Variants in NKAIN3 observed in about 807,000 individuals in gnomAD.
NKAIN3 encodes the protein sodium/potassium transporting ATPase interacting 3.
In NKAIN3, 25 loss-of-function variants were observed where a neutral mutation model predicts 30.2. The ratio of observed to expected loss-of-function variants is 0.83; its 90% confidence interval spans 0.60 to 1.16. NKAIN3 has a LOEUF of 1.16. NKAIN3 is among the 50% of genes most tolerant of loss of function. NKAIN3 has a pLI of 0.00. For missense variants in NKAIN3, 225 were observed against 254.1 expected, an observed-to-expected ratio of 0.89 and a Z score of 0.78; for synonymous variants, 91 against 89.6, an observed-to-expected ratio of 1.02 and a Z score of -0.09.
At chr8:62,801,056 G>T (rs903939120) in intron 4 of NKAIN3, among the ~76,000 whole-genome samples, 2 of 152,202 alleles carry the variant, frequency 1.3e-5, no homozygotes, top group South Asian at 2.1e-4. Context: ...CAGCAGCAAG[G>T]CTGGGGGAGG....
chr8:62,395,406 G>A (rs912587921), intron 1 of NKAIN3, among the ~76,000 whole-genome samples: 1 of 152,140 alleles, frequency 6.6e-6, no homozygotes, highest in Non-Finnish European at 1.5e-5. Context: ...TCACTTCCCA[G>A]GCGGTGCGGG....
At chr8:62,870,573 C>A (rs1820596885) in intron 4 of NKAIN3, among the ~76,000 whole-genome samples, 2 of 132,368 alleles carry the variant, frequency 1.5e-5, no homozygotes, top group South Asian at 2.3e-4. Context: ...TATATATACA[C>A]CATATATAGT....
intron 1 of NKAIN3, among the ~76,000 whole-genome samples, chr8:62,325,679 C>T (rs1350495923): frequency 6.6e-6 from 1 of 152,044 alleles, no homozygotes; most frequent in Non-Finnish European, 1.5e-5. Context: ...GTCATTCTTA[C>T]AGGAATAAGG....
At position 62,874,863 on chromosome 8, in the gene NKAIN3, T is replaced by A. The variant is rs1039709477; in HGVS notation, c.472-43590T>A. ...TGACAGACCTACAGCCAATATCCTA[T>A]TGAATGGGCAAAAGCTGGAAGCATT... On this transcript the variant is annotated intron_variant, in intron 4 of 6. Transcript: ENST00000623646. 1.1e-4 allele frequency among the ~76,000 whole-genome samples: 16 copies of A among 152,094 alleles called. 1 individual carries two copies. The highest frequency in any genetic ancestry group is 3.1e-4 in the African/African-American group (13 of 41,414).
chr8:62,980,015 A>C lies in NKAIN3; in HGVS notation c.*14608A>C, dbSNP rs1224380357. The C allele has an allele frequency of 6.6e-6, 1 of 152,180 alleles. No individual in the cohort carries two copies. The highest frequency in any genetic ancestry group is 1.5e-5 in the Non-Finnish European group (1 of 68,054). 9.4% of individuals were successfully genotyped at this position (152,180 alleles called of 1,614,324 possible). ...TATTCATCTTTGCTTTTGTCTTCTC[A>C]GGGCAAATAGGAAATCCTAGACCTC... On this transcript the variant is annotated 3_prime_UTR_variant, in exon 7 of 7. Coordinates refer to ENST00000623646, the MANE Select transcript of NKAIN3 (RefSeq NM_001304533.3).
intron 1 of NKAIN3, among the ~76,000 whole-genome samples, chr8:62,392,069 G>C (rs1817600261): frequency 6.6e-6 from 1 of 151,920 alleles, no homozygotes; most frequent in African/African-American, 2.4e-5. Context: ...GCCCTAAAAA[G>C]TATTTAGTAG....
intron 1 of NKAIN3, among the ~76,000 whole-genome samples, chr8:62,319,740 C>T (rs1323970616): frequency 6.6e-6 from 1 of 152,106 alleles, no homozygotes; most frequent in Non-Finnish European, 1.5e-5. Flanking sequence ...CTGAGGAGTG[C>T]TTTACTTCCA....
At chr8:62,910,981 A>C (rs556022351) in intron 4 of NKAIN3, among the ~76,000 whole-genome samples, 5 of 152,334 alleles carry the variant, frequency 3.3e-5, no homozygotes, top group Non-Finnish European at 7.3e-5. Flanking sequence ...CCAGCATGAC[A>C]AATTGAATGA....
At chr8:62,819,078 T>C (rs1300981638) in intron 4 of NKAIN3, among the ~76,000 whole-genome samples, 2 of 150,718 alleles carry the variant, frequency 1.3e-5, no homozygotes, top group Non-Finnish European at 3.0e-5. Context: ...GTAATAGTAA[T>C]GGCATGCCCA....
At chr8:62,929,349 G>A (rs1822546719) in intron 5 of NKAIN3, among the ~76,000 whole-genome samples, 3 of 152,142 alleles carry the variant, frequency 2.0e-5, no homozygotes, top group Non-Finnish European at 4.4e-5. Context: ...TATGCTGTGA[G>A]AAAAAAATCA....
chr8:62,489,883 T>C (rs1807016455), intron 1 of NKAIN3, among the ~76,000 whole-genome samples: 1 of 152,192 alleles, frequency 6.6e-6, no homozygotes, highest in Admixed American at 6.5e-5. Context: ...ACACCAAAGG[T>C]CTGGCTTCCA....
intron 1 of NKAIN3, among the ~76,000 whole-genome samples, chr8:62,498,113 G>A (rs768130517): frequency 6.6e-6 from 1 of 152,062 alleles, no homozygotes; most frequent in Non-Finnish European, 1.5e-5. Flanking sequence ...CCTTTGGGTT[G>A]GATGAACTGA....
chr8:62,813,226 TC>T (rs1818550025), intron 4 of NKAIN3, among the ~76,000 whole-genome samples: 1 of 151,986 alleles, frequency 6.6e-6, no homozygotes, highest in African/African-American at 2.4e-5. Context: ...TATACCAGTA[TC>T]ATGTGACTTT....
intron 1 of NKAIN3, among the ~76,000 whole-genome samples, chr8:62,552,771 T>G (rs1809255422): frequency 6.6e-6 from 1 of 152,176 alleles, no homozygotes; most frequent in Admixed American, 6.5e-5. Flanking sequence ...AAAACGCCAC[T>G]TCTCCCCTGT....
rs376656796 is a variant in NKAIN3 at position 62,274,882 on chromosome 8, G to A, written c.54+25755G>A. On this transcript the variant is annotated intron_variant, in intron 1 of 6. Coordinates refer to ENST00000623646, the MANE Select transcript of NKAIN3 (RefSeq NM_001304533.3). ...GTCCTTGCGATAGTTTGCTGAGAATGATGGTTTCCAGTTTCATCCATGTCC... is the reference window on the plus strand; with the variant it reads ...GTCCTTGCGATAGTTTGCTGAGAATAATGGTTTCCAGTTTCATCCATGTCC... 9.1e-4 allele frequency among the ~76,000 whole-genome samples: 139 copies of A among 152,060 alleles called. 3 individuals are homozygous for A. In the East Asian group the frequency reaches 0.024, roughly 27 times the overall value.
At chr8:62,488,796 G>C (rs1276045366) in intron 1 of NKAIN3, among the ~76,000 whole-genome samples, 1 of 152,144 alleles carries the variant, frequency 6.6e-6, no homozygotes. Flanking sequence ...GAGATGCTGA[G>C]GAATAACTGT....
chr8:62,569,985 A>G (rs1051045571), intron 1 of NKAIN3, among the ~76,000 whole-genome samples: 5 of 152,088 alleles, frequency 3.3e-5, no homozygotes, highest in African/African-American at 4.8e-5. Flanking sequence ...ACTTTAATTT[A>G]TTTTGTGAAA....
intron 4 of NKAIN3, among the ~76,000 whole-genome samples, chr8:62,871,322 G>A (rs939275277): frequency 4.7e-5 from 7 of 148,800 alleles, no homozygotes; most frequent in Non-Finnish European, 7.4e-5. Context: ...AGAATTGCTC[G>A]AACTCAGAAG....
At chr8:62,669,121 C>T (rs985408067) in intron 3 of NKAIN3, among the ~76,000 whole-genome samples, 1 of 152,128 alleles carries the variant, frequency 6.6e-6, no homozygotes, top group Non-Finnish European at 1.5e-5. Flanking sequence ...AAGGCAAAGC[C>T]TCACTCACTC....
Sources: gnomAD v4.1 joint callset for allele counts (sites outside exome capture counted in the v4.1 genomes callset) on GRCh38, gnomAD v4.1.1 for gene constraint, MANE v1.5 for transcripts, NCBI Gene and HGNC (gene_info 2026-07-23, HGNC 2026-07-21) for gene names.